Variants in DNAH6 observed in about 807,000 individuals in gnomAD.
DNAH6 encodes dynein axonemal heavy chain 6, also known as axonemal beta dynein heavy chain 6.
A neutral mutation model predicts 491.4 loss-of-function variants in DNAH6; 340 were observed. The ratio of observed to expected loss-of-function variants is 0.69; its 90% CI spans 0.63 to 0.76. The LOEUF is 0.76. DNAH6 is among the 30% of genes least tolerant of loss of function. The pLI, the probability that DNAH6 is intolerant of heterozygous loss-of-function variation, is 0.00. For synonymous variants in DNAH6, 1,603 were observed against 1,686.1 expected (o/e 0.95, Z 1.21); for missense variants, 4,443 against 4,972.2 (o/e 0.89, Z 3.20).
At chr2:84,584,547 C>A (rs768788413) in intron 15 of DNAH6, 1 of 254,698 alleles carries the variant, frequency 3.9e-6, no homozygotes, top group Non-Finnish European at 7.6e-6. Context: ...TCAACAATGT[C>A]TTTGAGCTGC....
Position 84,579,570 on chromosome 2 carries a change from AT to A in DNAH6, c.2121del (p.Asp707GlufsTer47), listed in dbSNP as rs1682809296. 1 of 1,613,912 alleles carries A rather than the reference AT, an allele frequency of 6.2e-7. No homozygotes were observed. The highest frequency in any genetic ancestry group is 8.5e-7 in the Non-Finnish European group (1 of 1,179,898). ...CCTCGTCAAAGCAAGAAAAAAGTGG[AT>A]GCCATTATCTTTGAGGCACAAGATG... ...MLPRQSKKKV[D>X]AIIFEAQDAE... On this transcript the variant is annotated frameshift_variant, in exon 14 of 77. Coordinates refer to ENST00000389394, the MANE Select transcript of DNAH6 (RefSeq NM_001370.2). LOFTEE classifies it high-confidence loss of function.
At chr2:84,784,328 C>A (rs1272673275) in intron 65 of DNAH6, among the ~76,000 whole-genome samples, 1 of 152,144 alleles carries the variant, frequency 6.6e-6, no homozygotes, top group African/African-American at 2.4e-5. Flanking sequence ...TGGCCATTTT[C>A]ATGCAACTTG....
At chr2:84,530,119 C>T (rs921289639) in intron 4 of DNAH6, among the ~76,000 whole-genome samples, 1 of 152,134 alleles carries the variant, frequency 6.6e-6, no homozygotes, top group African/African-American at 2.4e-5. Flanking sequence ...GCTTGAGACA[C>T]ATTAGTAAAC....
At chr2:84,785,283 A>AG (rs1677071478) in intron 66 of DNAH6, among the ~76,000 whole-genome samples, 1 of 152,198 alleles carries the variant, frequency 6.6e-6, no homozygotes, top group South Asian at 2.1e-4. Context: ...TGCCCTATGT[A>AG]GGGATGATGC....
chr2:84,519,329 T>C (rs1675908863), intron 2 of DNAH6, among the ~76,000 whole-genome samples: 1 of 152,020 alleles, frequency 6.6e-6, no homozygotes, highest in African/African-American at 2.4e-5. Flanking sequence ...AGTTACTAAG[T>C]TTGAGGCAGT....
chr2:84,632,430 C>T (rs1008481024), intron 29 of DNAH6, among the ~76,000 whole-genome samples: 7 of 152,050 alleles, frequency 4.6e-5, no homozygotes, highest in Admixed American at 6.5e-5. Context: ...GAAGAGCAAA[C>T]GGAAATGAAG....
intron 45 of DNAH6, among the ~76,000 whole-genome samples, chr2:84,688,851 G>T: frequency 6.6e-6 from 1 of 152,118 alleles, no homozygotes; most frequent in East Asian, 1.9e-4. Context: ...GTTCTGTCTT[G>T]TTACAAAAAG....
At chr2:84,587,129 C>G (rs1249237953) in intron 15 of DNAH6, among the ~76,000 whole-genome samples, 1 of 152,088 alleles carries the variant, frequency 6.6e-6, no homozygotes, top group Non-Finnish European at 1.5e-5. Context: ...CAGGTAGGCC[C>G]CAGTGTCTGT....
At chr2:84,603,306 AG>A (rs1685444319) in intron 18 of DNAH6, among the ~76,000 whole-genome samples, 1 of 152,032 alleles carries the variant, frequency 6.6e-6, no homozygotes, top group African/African-American at 2.4e-5. Flanking sequence ...GCTAGGTTTA[AG>A]GGTTGATGTT....
intron 46 of DNAH6, 89 bp from the exon 47 acceptor site, chr2:84,697,486 G>A: frequency 7.7e-7 from 1 of 1,298,976 alleles, no homozygotes; most frequent in Non-Finnish European, 1.0e-6. Context: ...AGATGAAATT[G>A]ATTCATGTGA....
intron 33 of DNAH6, among the ~76,000 whole-genome samples, chr2:84,650,283 T>A (rs933845950): frequency 2.6e-5 from 4 of 152,174 alleles, no homozygotes; most frequent in African/African-American, 9.7e-5. Context: ...GACACAAATA[T>A]TAGATCTTTT....
chr2:84,571,460 A>G (rs1365034601), intron 11 of DNAH6, among the ~76,000 whole-genome samples: 1 of 152,228 alleles, frequency 6.6e-6, no homozygotes, highest in Non-Finnish European at 1.5e-5. Context: ...TGCTGCAAAT[A>G]ACATACATCA....
At chr2:84,622,314 A>G (rs1404441497) in intron 26 of DNAH6, among the ~76,000 whole-genome samples, 1 of 152,048 alleles carries the variant, frequency 6.6e-6, no homozygotes, top group Non-Finnish European at 1.5e-5. Context: ...TTGTATGTGT[A>G]TACCACATTT....
In DNAH6 at chr2:84,588,835, A is replaced by G. The variant is rs1021286426; in HGVS notation, c.2491A>G (p.Ile831Val). Residue 831 changes from isoleucine (I) to valine (V), a missense_variant, in exon 16 of 77, where the codon ATT (isoleucine) becomes GTT (valine). This residue lies in a region of DNAH6 where 2,977 missense variants were observed against 3,296.6 expected (regional missense o/e 0.90). Coordinates refer to ENST00000389394, the MANE Select transcript of DNAH6 (RefSeq NM_001370.2). ...TGTCTTAAATTTATAGGATCCACAG[A>G]TTTTAGATATCTCTGCTGACCAAGA... ...EVKLQAQDPQ[I>V]LDISADQDKI... 5.8e-6 allele frequency: 9 copies of G among 1,540,350 alleles called. No individual in the cohort carries two copies. In the African/African-American group the frequency reaches 1.1e-4, roughly 19 times the overall value.
intron 37 of DNAH6, among the ~76,000 whole-genome samples, chr2:84,659,657 C>T (rs1347594463): frequency 1.3e-5 from 2 of 152,142 alleles, no homozygotes; most frequent in South Asian, 4.1e-4. Context: ...TCTCAGTACT[C>T]ATTGATATTC....
chr2:84,597,566 T>C (rs910096672), intron 18 of DNAH6, among the ~76,000 whole-genome samples: 8 of 152,226 alleles, frequency 5.3e-5, no homozygotes, highest in African/African-American at 1.9e-4. Context: ...TTCAAGATGT[T>C]AAATATAGAC....
Position 84,713,208 on chromosome 2 carries a change from C to T in DNAH6, c.9492C>T (p.Asn3164=). 1.9e-6 allele frequency: 3 copies of T among 1,552,160 alleles called. No individual in the cohort carries two copies. Among genetic ancestry groups the T allele is most frequent in the Non-Finnish European group, 2.6e-6 (3 of 1,147,100 alleles). ...LGDSDIDYDK[N]FRFYMTTKMP... ...ACTCAGACATTGATTATGACAAAAA[C>T]TTTAGGTTCTATATGACAACCAAAA... The change falls in exon 57 of 77, where the codon AAC becomes AAT. Residue 3164 remains asparagine (N), a synonymous_variant. Transcript: ENST00000389394.
At chr2:84,546,831 A>G (rs1678843167) in intron 5 of DNAH6, among the ~76,000 whole-genome samples, 2 of 152,236 alleles carry the variant, frequency 1.3e-5, no homozygotes, top group South Asian at 4.1e-4. Flanking sequence ...AGTTTTCCAA[A>G]GCAACTTGTT....
At chr2:84,493,938 A>G in the DNAH6 span, among the ~76,000 whole-genome samples, 1 of 152,226 alleles carries the variant, frequency 6.6e-6, no homozygotes, top group Non-Finnish European at 1.5e-5. Context: ...AAGGCACACA[A>G]GGTGTATTAT....
Sources: gnomAD v4.1 joint callset for allele counts (sites outside exome capture counted in the v4.1 genomes callset) on GRCh38, gnomAD v4.1.1 for gene constraint, gnomAD v4.1.1 regional missense constraint, MANE v1.5 for transcripts, NCBI Gene and HGNC (gene_info 2026-07-23, HGNC 2026-07-21) for gene names.